SNX29: variants seen among roughly 807,000 people sequenced by gnomAD.
SNX29 encodes the protein sorting nexin-29.
Under a neutral mutation model 102.1 loss-of-function variants are expected in SNX29, and 78 were observed. The ratio of observed to expected loss-of-function variants is 0.76; its 90% CI spans 0.64 to 0.92. The LOEUF is 0.92. Ranked by LOEUF, SNX29 falls within the 40% of genes least tolerant of loss-of-function variation. The probability of loss-of-function intolerance (pLI) is 0.00; values close to 1 mark genes in which losing one functional copy is unlikely to be tolerated. For missense variants in SNX29, 1,280 were observed against 1,061.7 expected (o/e 1.21, Z -2.86); for synonymous variants, 580 against 414.5 (o/e 1.40, Z -4.85).
intron 19 of SNX29, among the ~76,000 whole-genome samples, chr16:12,515,125 G>A (rs931049152): frequency 2.0e-5 from 3 of 152,136 alleles, no homozygotes; most frequent in African/African-American, 4.8e-5. Context: ...ACATAGTCCT[G>A]TGGGAGGGCT....
At chr16:12,127,895 G>T (rs1053546884) in intron 12 of SNX29, among the ~76,000 whole-genome samples, 3 of 152,132 alleles carry the variant, frequency 2.0e-5, no homozygotes, top group Non-Finnish European at 2.9e-5. Flanking sequence ...CTTACCTGCA[G>T]TTACCCCCTG....
chr16:12,296,647 A>G (rs947919718), intron 15 of SNX29, among the ~76,000 whole-genome samples: 2 of 141,636 alleles, frequency 1.4e-5, no homozygotes, highest in African/African-American at 5.2e-5. Flanking sequence ...ACATTGTGCC[A>G]ATCCCTAATG....
chr16:12,367,812 C>T (rs185817277), intron 16 of SNX29, among the ~76,000 whole-genome samples: 12 of 152,246 alleles, frequency 7.9e-5, no homozygotes, highest in Admixed American at 6.5e-5. Context: ...AATCATCTGC[C>T]GTCTTGAAGG....
intron 14 of SNX29, among the ~76,000 whole-genome samples, chr16:12,200,894 T>A (rs570550477): frequency 2.0e-5 from 3 of 152,206 alleles, no homozygotes; most frequent in Admixed American, 6.5e-5. Flanking sequence ...ACCAGTGTCA[T>A]GAGAGCATTG....
intron 20 of SNX29, chr16:12,545,458 G>C (rs533756465): frequency 7.2e-5 from 11 of 152,354 alleles, no homozygotes; most frequent in African/African-American, 2.4e-4. Flanking sequence ...CTTGTGGACG[G>C]ATAGGATGCC....
chr16:12,547,904 C>G (rs895564365), intron 20 of SNX29, among the ~76,000 whole-genome samples: 2 of 152,240 alleles, frequency 1.3e-5, no homozygotes, highest in African/African-American at 2.4e-5. Flanking sequence ...TGTATAGGAG[C>G]TGCTCTTAGG....
intron 10 of SNX29, among the ~76,000 whole-genome samples, chr16:12,075,819 C>T (rs1366838263): frequency 6.6e-6 from 1 of 152,212 alleles, no homozygotes; most frequent in Non-Finnish European, 1.5e-5. Flanking sequence ...TGAGCTCCAC[C>T]CAGTTCGAGC....
intron 13 of SNX29, among the ~76,000 whole-genome samples, chr16:12,150,853 C>T (rs953204916): frequency 6.6e-6 from 1 of 152,160 alleles, no homozygotes. Flanking sequence ...GCAAGAGATA[C>T]GGTCATTTAA....
intron 15 of SNX29, among the ~76,000 whole-genome samples, chr16:12,354,219 A>G (rs549384578): frequency 2.6e-5 from 4 of 152,196 alleles, no homozygotes; most frequent in Admixed American, 1.3e-4. Context: ...GTAGGTAGGG[A>G]TATGTGATAT....
At chr16:12,231,527 CT>C (rs1341052519) in intron 14 of SNX29, among the ~76,000 whole-genome samples, 2 of 136,934 alleles carry the variant, frequency 1.5e-5, no homozygotes, top group African/African-American at 2.7e-5. Context: ...ATTGTTGGGC[CT>C]TTTTAAAAAA....
In SNX29 at chr16:12,541,507, C is replaced by G. The variant is rs762175160; in HGVS notation, c.2318+16666C>G. On this transcript the variant is annotated intron_variant, in intron 20 of 20. Coordinates refer to ENST00000566228, the MANE Select transcript of SNX29 (RefSeq NM_032167.5). The stretch of plus-strand genomic sequence containing the variant: ...GACCCAGACCTCTGTGATCTGAGTC[C>G]CAAGTCATAACCATTTCAGCATGTA... Among the ~76,000 whole-genome samples, 8 of 152,100 alleles carry G rather than the reference C, an allele frequency of 5.3e-5. No homozygotes were observed. In the East Asian group the frequency reaches 5.8e-4, roughly 11 times the overall value.
chr16:12,286,420 A>C (rs2151043407), intron 15 of SNX29, among the ~76,000 whole-genome samples: 1 of 140,910 alleles, frequency 7.1e-6, no homozygotes, highest in South Asian at 2.2e-4. Flanking sequence ...ATCTCGGTTC[A>C]CTGCAAGCTC....
chr16:12,327,619 T>A (rs1056086454), intron 15 of SNX29, among the ~76,000 whole-genome samples: 1 of 152,162 alleles, frequency 6.6e-6, no homozygotes, highest in African/African-American at 2.4e-5. Flanking sequence ...TCTGCAGGTA[T>A]AGTCACATTC....
intron 20 of SNX29, among the ~76,000 whole-genome samples, chr16:12,546,949 C>T (rs952523876): frequency 6.6e-6 from 1 of 152,078 alleles, no homozygotes; most frequent in Non-Finnish European, 1.5e-5. Context: ...AAATAAATTC[C>T]CCACCCCTCC....
intron 5 of SNX29, among the ~76,000 whole-genome samples, chr16:12,044,094 G>A (rs759049485): frequency 3.3e-5 from 5 of 152,210 alleles, no homozygotes; most frequent in Admixed American, 1.3e-4. Flanking sequence ...GACTAGACAT[G>A]TTGTTTTGTG....
intron 20 of SNX29, among the ~76,000 whole-genome samples, chr16:12,541,943 A>G (rs528693740): frequency 1.3e-5 from 2 of 152,282 alleles, no homozygotes; most frequent in Admixed American, 6.5e-5. Context: ...CTGGGCCCAC[A>G]CAAGAGGACG....
At chr16:12,428,399 T>TA (rs1218784254) in intron 18 of SNX29, among the ~76,000 whole-genome samples, 1 of 152,136 alleles carries the variant, frequency 6.6e-6, no homozygotes, top group Non-Finnish European at 1.5e-5. Flanking sequence ...GCCAGTTTCT[T>TA]AAAAAATAAA....
chr16:12,423,381 G>A (rs1226486677), intron 18 of SNX29, among the ~76,000 whole-genome samples: 4 of 152,082 alleles, frequency 2.6e-5, no homozygotes, highest in Non-Finnish European at 4.4e-5. Context: ...ATGAGCAATG[G>A]CATCACTTCC....
intron 20 of SNX29, among the ~76,000 whole-genome samples, chr16:12,550,595 G>A (rs1006814872): frequency 2.1e-4 from 31 of 150,886 alleles, no homozygotes; most frequent in African/African-American, 4.6e-4. Context: ...GCATACATAC[G>A]TGCTTCTATG....
Sources: gnomAD v4.1 joint callset for allele counts (sites outside exome capture counted in the v4.1 genomes callset) on GRCh38, gnomAD v4.1.1 for gene constraint, MANE v1.5 for transcripts, NCBI Gene and HGNC (gene_info 2026-07-23, HGNC 2026-07-21) for gene names.